CNTN5: variants seen among roughly 807,000 people sequenced by gnomAD.
CNTN5 encodes the protein contactin 5.
Under a neutral mutation model 129.1 loss-of-function variants are expected in CNTN5, and 77 were observed. The ratio of observed to expected loss-of-function variants is 0.60; its 90% CI spans 0.50 to 0.72. CNTN5 has a LOEUF of 0.72. Ranked by LOEUF, CNTN5 falls within the 30% of genes least tolerant of loss-of-function variation. CNTN5 has a pLI of 0.00. For synonymous variants in CNTN5, 509 were observed against 465.6 expected, an observed-to-expected ratio of 1.09 and a Z score of -1.20; for missense variants, 1,478 against 1,328.8, an observed-to-expected ratio of 1.11 and a Z score of -1.75.
intron 3 of CNTN5, among the ~76,000 whole-genome samples, chr11:99,642,133 A>G (rs1951793659): frequency 6.6e-6 from 1 of 152,188 alleles, no homozygotes; most frequent in African/African-American, 2.4e-5. Flanking sequence ...AGTCTTGAGT[A>G]GCCTCTGGTC....
At chr11:99,844,289 T>C (rs1947609554) in intron 4 of CNTN5, among the ~76,000 whole-genome samples, 1 of 152,188 alleles carries the variant, frequency 6.6e-6, no homozygotes, top group Admixed American at 6.5e-5. Context: ...TTTGAAAGCA[T>C]GTCTTATTTA....
intron 13 of CNTN5, among the ~76,000 whole-genome samples, chr11:100,110,695 G>A (rs948051630): frequency 6.6e-6 from 1 of 152,150 alleles, no homozygotes; most frequent in African/African-American, 2.4e-5. Context: ...ACCTTGAAGG[G>A]CTCTGTATTT....
At chr11:100,334,830 C>T (rs1004290387) in intron 21 of CNTN5, among the ~76,000 whole-genome samples, 7 of 152,036 alleles carry the variant, frequency 4.6e-5, no homozygotes, top group African/African-American at 1.7e-4. Context: ...GTGCAGTATA[C>T]ACTGCTTGGG....
intron 1 of CNTN5, among the ~76,000 whole-genome samples, chr11:99,084,557 A>G (rs1267741943): frequency 6.6e-6 from 1 of 152,056 alleles, no homozygotes; most frequent in Admixed American, 6.5e-5. Context: ...CAGACTGTTG[A>G]GTTGTTTTTT....
At chr11:99,264,255 T>C (rs915772039) in intron 1 of CNTN5, among the ~76,000 whole-genome samples, 2 of 151,646 alleles carry the variant, frequency 1.3e-5, no homozygotes, top group African/African-American at 2.4e-5. Flanking sequence ...TTCTTGATTG[T>C]ACCTTTCTTA....
intron 9 of CNTN5, among the ~76,000 whole-genome samples, chr11:100,041,814 C>G (rs532582591): frequency 1.3e-5 from 2 of 152,080 alleles, no homozygotes; most frequent in African/African-American, 4.8e-5. Context: ...GCTTCTTTAC[C>G]TAAATTAGAT....
chr11:99,624,207 C>T (rs1330939876), intron 3 of CNTN5, among the ~76,000 whole-genome samples: 4 of 151,814 alleles, frequency 2.6e-5, no homozygotes, highest in Admixed American at 2.6e-4. Flanking sequence ...TCTCGGTGCC[C>T]TTCTGTGTAT....
At chr11:99,085,831 T>A (rs890435066) in intron 1 of CNTN5, among the ~76,000 whole-genome samples, 2 of 152,068 alleles carry the variant, frequency 1.3e-5, no homozygotes, top group Non-Finnish European at 2.9e-5. Flanking sequence ...GTTGAAAAAT[T>A]CCCCCCTCCT....
At chr11:99,641,633 A>G (rs1215795930) in intron 3 of CNTN5, among the ~76,000 whole-genome samples, 1 of 152,138 alleles carries the variant, frequency 6.6e-6, no homozygotes, top group Non-Finnish European at 1.5e-5. Context: ...GATGTCGGCT[A>G]ATGGGGATTT....
chr11:99,063,777 G>A (rs1864984951), intron 1 of CNTN5, among the ~76,000 whole-genome samples: 1 of 151,892 alleles, frequency 6.6e-6, no homozygotes, highest in South Asian at 2.1e-4. Context: ...GTTGCAAAGG[G>A]GTTTTGTTAA....
intron 3 of CNTN5, among the ~76,000 whole-genome samples, chr11:99,664,511 T>C (rs1952714186): frequency 1.3e-5 from 2 of 152,210 alleles, no homozygotes; most frequent in African/African-American, 4.8e-5. Flanking sequence ...TTTTCAGTAA[T>C]TCTTGTTCTA....
chr11:99,791,025 C>G (rs77037840), intron 3 of CNTN5, among the ~76,000 whole-genome samples: 5,329 of 151,666 alleles, frequency 0.035, 139 homozygotes, highest in South Asian at 0.097. Context: ...ATTACTTTTT[C>G]AGTTTCTTAT....
chr11:99,093,554 G>A lies in CNTN5; in HGVS notation c.-210+72284G>A, dbSNP rs1372117295. ...TGACATTAAATGTGACCCATGTTGG[G>A]AAGGCTAAAAACCAGCTAAATTTAC... On this transcript the variant is annotated intron_variant, in intron 1 of 24. Coordinates refer to ENST00000524871, the MANE Select transcript of CNTN5 (RefSeq NM_014361.4). 3.3e-5 allele frequency among the ~76,000 whole-genome samples: 5 copies of A among 151,754 alleles called. No homozygotes were observed. In the South Asian group the frequency reaches 8.3e-4, roughly 25 times the overall value.
intron 8 of CNTN5, among the ~76,000 whole-genome samples, chr11:99,996,184 C>T (rs1939432856): frequency 6.6e-6 from 1 of 152,010 alleles, no homozygotes; most frequent in South Asian, 2.1e-4. Context: ...TTTGCCAATT[C>T]AGTTATTAAT....
At chr11:99,193,547 T>C (rs1419841935) in intron 1 of CNTN5, among the ~76,000 whole-genome samples, 2 of 152,174 alleles carry the variant, frequency 1.3e-5, no homozygotes, top group Non-Finnish European at 2.9e-5. Flanking sequence ...AGATTGGGAA[T>C]GCAGTATGGT....
chr11:100,094,929 A>G (rs181806061), intron 13 of CNTN5, among the ~76,000 whole-genome samples: 2 of 152,288 alleles, frequency 1.3e-5, no homozygotes, highest in East Asian at 3.9e-4. Context: ...AGACACTAGT[A>G]TCAGTCAAGA....
intron 3 of CNTN5, among the ~76,000 whole-genome samples, chr11:99,720,702 C>G (rs1192596338): frequency 6.6e-6 from 1 of 152,042 alleles, no homozygotes; most frequent in African/African-American, 2.4e-5. Context: ...GAGAGGAAGC[C>G]AAACTATTTC....
intron 1 of CNTN5, among the ~76,000 whole-genome samples, chr11:99,090,751 G>C (rs1418756931): frequency 6.7e-6 from 1 of 150,172 alleles, no homozygotes; most frequent in Non-Finnish European, 1.5e-5. Context: ...GGCCGGGCGC[G>C]GTGGCTCACG....
At chr11:99,363,229 C>T (rs908385060) in intron 2 of CNTN5, among the ~76,000 whole-genome samples, 12 of 152,188 alleles carry the variant, frequency 7.9e-5, no homozygotes, top group African/African-American at 2.9e-4. Flanking sequence ...AGGCTTTCAT[C>T]TCCTTGGTGA....
Sources: allele counts gnomAD v4.1 joint callset (sites outside exome capture counted in the v4.1 genomes callset), GRCh38; gene constraint gnomAD v4.1.1; transcripts MANE v1.5; gene names NCBI Gene and HGNC (gene_info 2026-07-23, HGNC 2026-07-21).